The following OSBPL6 variants were observed in gnomAD, a reference collection of about 807,000 sequenced individuals.
The protein encoded by OSBPL6 is oxysterol-binding protein-related protein 6.
In OSBPL6, 49 loss-of-function variants were observed where a neutral mutation model predicts 125.8. That is an observed-to-expected ratio of 0.39 (90% CI 0.31 to 0.49). The LOEUF (loss-of-function observed/expected upper bound fraction) is 0.49. OSBPL6 is among the 20% of genes least tolerant of loss of function. The probability of loss-of-function intolerance (pLI) is 0.88; values close to 1 mark genes in which losing one functional copy is unlikely to be tolerated. For synonymous variants in OSBPL6, 394 were observed against 391.8 expected (o/e 1.01, Z -0.07); for missense variants, 986 against 1,135.4 (o/e 0.87, Z 1.89).
In OSBPL6 at chr2:178,392,400, G is replaced by A. The variant is rs1229806068; in HGVS notation, c.2447-12G>A. On this transcript the variant is annotated splice_polypyrimidine_tract_variant and intron_variant, in intron 22 of 24. Coordinates refer to ENST00000190611, the MANE Select transcript of OSBPL6 (RefSeq NM_032523.4). ...TTCTGCCTCTCACAGTGGTTCATTG[G>A]CCTCTTTCCAGGTTCCATGCCAACA... is the stretch of plus-strand genomic sequence containing the variant. 9 of 1,613,496 alleles carry A rather than the reference G, an allele frequency of 5.6e-6. No individual in the cohort carries two copies. The highest frequency in any genetic ancestry group is 7.6e-6 in the Non-Finnish European group (9 of 1,179,570).
intron 1 of OSBPL6, among the ~76,000 whole-genome samples, chr2:178,263,818 T>TGTGTGTGTGTGTGTGTGTGTGTGC (rs1397070125): frequency 6.6e-6 from 1 of 151,618 alleles, no homozygotes; most frequent in Admixed American, 6.6e-5. Context: ...TGTGTGTGTG[T>TGTGTGTGTGTGTGTGTGTGTGTGC]GTGTGTGTGT....
chr2:178,387,811 T>C (rs1695073275), intron 20 of OSBPL6, among the ~76,000 whole-genome samples: 1 of 152,102 alleles, frequency 6.6e-6, no homozygotes, highest in Non-Finnish European at 1.5e-5. Context: ...GAGACCATCC[T>C]GGCTAACAAG....
At chr2:178,257,118 TTAA>T (rs1354397137) in intron 1 of OSBPL6, among the ~76,000 whole-genome samples, 1 of 152,230 alleles carries the variant, frequency 6.6e-6, no homozygotes, top group African/African-American at 2.4e-5. Context: ...CATTAAGAAT[TTAA>T]TGTCTATTAC....
chr2:178,196,287 G>A (rs540412222), intron 1 of OSBPL6, among the ~76,000 whole-genome samples: 1 of 152,010 alleles, frequency 6.6e-6, no homozygotes, highest in Non-Finnish European at 1.5e-5. Context: ...TTTGCAGTAG[G>A]AGTTCATATA....
At chr2:178,228,350 A>T (rs2090658824) in intron 1 of OSBPL6, among the ~76,000 whole-genome samples, 1 of 152,178 alleles carries the variant, frequency 6.6e-6, no homozygotes, top group South Asian at 2.1e-4. Context: ...CCTGGCTAAC[A>T]TGGTGAAACA....
rs1012397262 is a variant in OSBPL6, at chr2:178,281,160, C to T, written c.-350-3767C>T. Reference sequence around the variant, plus strand: ...CCGAATAGCTGGGATTACAGGCATGCGCCACCACACCTGGCTAATTTTTGT... The same window carrying T: ...CCGAATAGCTGGGATTACAGGCATGTGCCACCACACCTGGCTAATTTTTGT... On this transcript the variant is annotated intron_variant, in intron 1 of 24. Coordinates refer to ENST00000190611, the MANE Select transcript of OSBPL6 (RefSeq NM_032523.4). Among the ~76,000 whole-genome samples the T allele has an allele frequency of 9.2e-5, 14 of 152,004 alleles. No homozygotes were observed. The East Asian group carries it at 1.4e-3, about 15-fold the overall frequency.
At chr2:178,283,947 C>G (rs964711589) in intron 1 of OSBPL6, among the ~76,000 whole-genome samples, 7 of 152,172 alleles carry the variant, frequency 4.6e-5, no homozygotes, top group Non-Finnish European at 1.0e-4. Flanking sequence ...CTCCTGTGAC[C>G]CAGACACCTC....
chr2:178,220,771 C>G (rs1265896963), intron 1 of OSBPL6, among the ~76,000 whole-genome samples: 2 of 152,292 alleles, frequency 1.3e-5, no homozygotes, highest in Admixed American at 6.5e-5. Flanking sequence ...GATGAGTTGT[C>G]TATGCAGCCA....
intron 1 of OSBPL6, among the ~76,000 whole-genome samples, chr2:178,236,639 T>A (rs574457709): frequency 6.6e-6 from 1 of 152,306 alleles, no homozygotes; most frequent in South Asian, 2.1e-4. Flanking sequence ...TATTCTCAAG[T>A]AAGTGGTCTC....
chr2:178,276,371 G>GTTT (rs71023438), intron 1 of OSBPL6, among the ~76,000 whole-genome samples: 129 of 122,738 alleles, frequency 1.1e-3, no homozygotes, highest in African/African-American at 3.5e-3. Flanking sequence ...ATTCTAAATG[G>GTTT]TTTTTTTTTT....
intron 12 of OSBPL6, among the ~76,000 whole-genome samples, chr2:178,355,047 A>G (rs1284454931): frequency 6.6e-6 from 1 of 152,236 alleles, no homozygotes; most frequent in African/African-American, 2.4e-5. Flanking sequence ...ATGAGAACAA[A>G]GACACAACTT....
intron 1 of OSBPL6, among the ~76,000 whole-genome samples, chr2:178,276,450 G>C (rs1003056762): frequency 4.9e-5 from 7 of 144,010 alleles, no homozygotes; most frequent in African/African-American, 1.8e-4. Context: ...TTGGCTCACT[G>C]CAACCTCTGC....
At chr2:178,389,759 G>T (rs1463988348) in intron 21 of OSBPL6, among the ~76,000 whole-genome samples, 1 of 152,128 alleles carries the variant, frequency 6.6e-6, no homozygotes, top group Non-Finnish European at 1.5e-5. Flanking sequence ...TCACTGCCGT[G>T]TTTGTTTGGA....
At chr2:178,351,947 T>G (rs78232604) in intron 12 of OSBPL6, among the ~76,000 whole-genome samples, 8,652 of 152,234 alleles carry the variant, frequency 0.057, 324 homozygotes, top group South Asian at 0.15. Flanking sequence ...ATGACACATG[T>G]TTGCCTATGT....
chr2:178,395,666 T>A lies in OSBPL6; in HGVS notation c.*107T>A. 1.3e-6 allele frequency: 1 copy of A among 798,576 alleles called. No individual in the cohort carries two copies. Among genetic ancestry groups the A allele is most frequent in the Non-Finnish European group, 2.0e-6 (1 of 500,500 alleles). The allele number at this position is 798,576 out of a possible 1,614,324, so 49.5% of individuals were successfully genotyped here. A position where few individuals can be genotyped will look rare whatever the true frequency, so the allele number is the denominator to read the frequency against. On this transcript the variant is annotated 3_prime_UTR_variant, in exon 25 of 25. Coordinates refer to ENST00000190611, the MANE Select transcript of OSBPL6 (RefSeq NM_032523.4). ...GTGGTTTCTGGGTCAACTGAAAACC[T>A]ACCATTTGCTTTTCTATTCATCTTT...
At chr2:178,221,142 A>G (rs1489375485) in intron 1 of OSBPL6, among the ~76,000 whole-genome samples, 1 of 152,212 alleles carries the variant, frequency 6.6e-6, no homozygotes, top group Non-Finnish European at 1.5e-5. Flanking sequence ...TAGACTATTC[A>G]TATCAAATGT....
intron 1 of OSBPL6, among the ~76,000 whole-genome samples, chr2:178,277,184 GTTA>G (rs1265256391): frequency 1.3e-5 from 2 of 152,168 alleles, no homozygotes; most frequent in African/African-American, 4.8e-5. Context: ...AATTAATGGA[GTTA>G]TTAATTTTTA....
intron 1 of OSBPL6, among the ~76,000 whole-genome samples, chr2:178,252,784 C>T (rs945641264): frequency 1.3e-5 from 2 of 152,094 alleles, no homozygotes; most frequent in Non-Finnish European, 2.9e-5. Flanking sequence ...CTGTTCTTTC[C>T]TTCCTGGCTT....
chr2:178,373,758 G>A (rs1693621111), intron 14 of OSBPL6, 132 bp from the exon 15 acceptor site: 2 of 1,049,964 alleles, frequency 1.9e-6, no homozygotes, highest in African/African-American at 1.6e-5. Flanking sequence ...TTGCTGAATT[G>A]CAAGTGAAAA....
Sources: allele counts gnomAD v4.1 joint callset (sites outside exome capture counted in the v4.1 genomes callset), GRCh38; gene constraint gnomAD v4.1.1; transcripts MANE v1.5; gene names NCBI Gene and HGNC (gene_info 2026-07-23, HGNC 2026-07-21).